The following HLTF variants were observed in gnomAD, a reference collection of about 807,000 sequenced individuals.
HLTF encodes the protein DNA-dependent ATPase/E3 ubiquitin-protein ligase HLTF.
Under a neutral mutation model 129.4 loss-of-function variants are expected in HLTF, and 127 were observed. The observed-to-expected ratio is 0.98, with a 90% CI of 0.85 to 1.14. HLTF has a LOEUF of 1.14. Among genes scored for constraint, HLTF ranks in the 50% most tolerant of loss-of-function variants. The pLI, the probability that HLTF is intolerant of heterozygous loss-of-function variation, is 0.00. For missense variants in HLTF, 1,139 were observed against 1,187.1 expected, an observed-to-expected ratio of 0.96 and a Z score of 0.60; for synonymous variants, 332 against 388.8, an observed-to-expected ratio of 0.85 and a Z score of 1.72.
chr3:149,081,842 G>A (rs1241575039), intron 2 of HLTF, among the ~76,000 whole-genome samples: 1 of 152,170 alleles, frequency 6.6e-6, no homozygotes, highest in Non-Finnish European at 1.5e-5. Flanking sequence ...GGGAGTTTAA[G>A]TATGTGTTCC....
At chr3:149,063,567 T>C in intron 9 of HLTF, 43 bp from the exon 10 acceptor site, 2 of 1,152,502 alleles carry the variant, frequency 1.7e-6, no homozygotes, top group Non-Finnish European at 2.6e-6. Flanking sequence ...TAGTAAGGTG[T>C]CTTAGAAACT....
chr3:149,059,693 C>A, intron 13 of HLTF, 25 bp downstream of exon 13: 2 of 1,405,642 alleles, frequency 1.4e-6, no homozygotes, highest in South Asian at 1.3e-5. Context: ...AAACCAAAAA[C>A]TAGAAAACAA....
chr3:149,032,530 T>A (rs1715185788), intron 24 of HLTF, among the ~76,000 whole-genome samples, 158 bp from the exon 25 acceptor site: 1 of 152,222 alleles, frequency 6.6e-6, no homozygotes, highest in Non-Finnish European at 1.5e-5. Context: ...TTTGCTTTCC[T>A]TACCCAATAT....
At chr3:149,074,093 A>G (rs537060445) in intron 4 of HLTF, 122 bp downstream of exon 4, 2 of 910,788 alleles carry the variant, frequency 2.2e-6, no homozygotes, top group Admixed American at 5.9e-5. Flanking sequence ...GACTCCTGAA[A>G]AAAAGTTGTA....
In HLTF at chr3:149,084,660, AATTATCTACT is replaced by A; in HGVS notation, c.228+12_228+21del. 6.7e-7 allele frequency: 1 copy of A among 1,494,148 alleles called. No homozygotes were observed. Among genetic ancestry groups the A allele is most frequent in the Non-Finnish European group, 9.2e-7 (1 of 1,081,172 alleles). 92.6% of individuals were successfully genotyped at this position (1,494,148 alleles called of 1,614,324 possible). On this transcript the variant is annotated intron_variant, in intron 2 of 24. Transcript: ENST00000310053. ...AACGCCAGAAATATAATCAAAATTT[AATTATCTACT>A]ATTATACTCACTACTCCCGTGTAAT...
chr3:149,071,534 ATATT>A lies in HLTF; in HGVS notation c.702+45_702+48del, dbSNP rs769076149. 12 of 1,459,370 alleles carry A rather than the reference ATATT, an allele frequency of 8.2e-6. No homozygotes were observed. The African/African-American group carries it at 1.4e-4, about 17-fold the overall frequency. 90.4% of individuals were successfully genotyped at this position (1,459,370 alleles called of 1,614,324 possible). ...ATTAAACAAAAAGTAGATTCTAAGTATATTTAAACATTCTGAGTAGTCTTAAATA... is the reference window on the plus strand; with the variant it reads ...ATTAAACAAAAAGTAGATTCTAAGTATAAACATTCTGAGTAGTCTTAAATA... On this transcript the variant is annotated intron_variant, in intron 6 of 24. Transcript: ENST00000310053.
chr3:149,042,813 A>G (rs1716240304), intron 18 of HLTF, among the ~76,000 whole-genome samples: 1 of 152,134 alleles, frequency 6.6e-6, no homozygotes, highest in South Asian at 2.1e-4. Flanking sequence ...AATAAAACCT[A>G]AAGTAACTCA....
chr3:149,047,596 C>T (rs574868094), intron 17 of HLTF, among the ~76,000 whole-genome samples: 23 of 152,098 alleles, frequency 1.5e-4, no homozygotes, highest in Non-Finnish European at 2.6e-4. Context: ...GAGCCAAGAT[C>T]GCGCCACTGC....
Position 149,048,911 on chromosome 3 carries a change from T to C in HLTF, c.1708A>G (p.Thr570Ala), listed in dbSNP as rs1335972051. ...HAIRNPNAQQ[T>A]KAVLDLESER... ...GATTCTAAGTCAAGTACAGCTTTTG[T>C]CTGCTGAGCATTTGGATTTCGTATG... Residue 570 changes from threonine (T) to alanine (A), a missense_variant, in exon 16 of 25, where the codon ACA (threonine) becomes GCA (alanine). Thr to Ala is a moderately conservative substitution (Grantham distance 58). Coordinates refer to ENST00000310053, the MANE Select transcript of HLTF (RefSeq NM_003071.4). The C allele has an allele frequency of 1.9e-5, 30 of 1,613,462 alleles. No individual in the cohort carries two copies. The highest frequency in any genetic ancestry group is 2.5e-5 in the Non-Finnish European group (30 of 1,179,578).
At chr3:149,032,491 A>C (rs879858597) in intron 24 of HLTF, 119 bp from the exon 25 acceptor site, 5 of 564,758 alleles carry the variant, frequency 8.9e-6, no homozygotes, top group Non-Finnish European at 1.5e-5. Context: ...TTTGCACCAA[A>C]CTATAATAAC....
At chr3:149,063,616 G>T in intron 9 of HLTF, 92 bp from the exon 10 acceptor site, 2 of 691,450 alleles carry the variant, frequency 2.9e-6, no homozygotes, top group South Asian at 3.6e-5. Context: ...TCTAATTACT[G>T]ATTTTCAGTT....
rs1190048286 is a variant in HLTF, at chr3:149,084,773, T to C, written c.137A>G (p.Asp46Gly). ...RFEFQDVIPP[D>G]DFLTSDEEVD... ...TTCTTCATCACTAGTTAGAAAGTCA[T>C]CTGGAGGGATAACATCTTGGAATTC... is the stretch of plus-strand genomic sequence containing the variant. The change falls in exon 2 of 25, where the codon GAT (aspartate) becomes GGT (glycine). Residue 46 changes from aspartate to glycine, a missense_variant. Physicochemically the swap from Asp to Gly is moderately conservative, Grantham distance 94 (BLOSUM62 -1). Coordinates refer to ENST00000310053, the MANE Select transcript of HLTF (RefSeq NM_003071.4). 5.0e-6 allele frequency: 8 copies of C among 1,614,024 alleles called. No individual in the cohort carries two copies. The highest frequency in any genetic ancestry group is 6.8e-6 in the Non-Finnish European group (8 of 1,179,950).
chr3:149,050,238 G>A lies in HLTF; in HGVS notation c.1611C>T (p.Asp537=). ...VLTTYNILTH[D]YGTKGDSPLH... Reference sequence around the variant, plus strand: ...AAGTATCAACAATACTTACTCCATAGTCATGAGTTAAAATATTATACGTAG... The same window carrying A: ...AAGTATCAACAATACTTACTCCATAATCATGAGTTAAAATATTATACGTAG... Residue 537 remains aspartate (D), a synonymous_variant, in exon 15 of 25, where the codon GAC becomes GAT. Transcript: ENST00000310053. The A allele has an allele frequency of 6.3e-7, 1 of 1,574,940 alleles. No individual in the cohort carries two copies. Among genetic ancestry groups the A allele is most frequent in the Non-Finnish European group, 8.7e-7 (1 of 1,150,606 alleles).
At position 149,032,121 on chromosome 3, in the gene HLTF, G is replaced by T. The variant is rs768788560; in HGVS notation, c.*99C>A. 65 of 866,442 alleles carry T rather than the reference G, an allele frequency of 7.5e-5. No homozygotes were observed. Among genetic ancestry groups the T allele is most frequent in the Non-Finnish European group, 1.0e-4 (60 of 594,312 alleles). 53.7% of individuals were successfully genotyped at this position (866,442 alleles called of 1,614,324 possible). ...ACTAATATAAAATATGCCCCTTTTA[G>T]AAGACGTGTTCTCTAGATCTCATTT... is the stretch of plus-strand genomic sequence containing the variant. On this transcript the variant is annotated 3_prime_UTR_variant, in exon 25 of 25. Coordinates refer to ENST00000310053, the MANE Select transcript of HLTF (RefSeq NM_003071.4).
intron 7 of HLTF, among the ~76,000 whole-genome samples, chr3:149,070,253 G>A (rs997240867): frequency 3.3e-5 from 5 of 152,046 alleles, no homozygotes; most frequent in Non-Finnish European, 5.9e-5. Flanking sequence ...ACATACCGTC[G>A]TAAGGACAAA....
Position 149,041,537 on chromosome 3 carries a change from G to A in HLTF, c.2329C>T (p.His777Tyr), listed in dbSNP as rs750592920. ...LTVPVITHCA[H>Y]VFCKPCICQV... The stretch of plus-strand genomic sequence containing the variant: ...CAAATACAGGGTTTACAAAATACAT[G>A]TGCACAATGTGTTATCACAGGAACT... The change falls in exon 20 of 25, where the codon CAT becomes TAT. Residue 777 changes from histidine to tyrosine, a missense_variant. Transcript: ENST00000310053. 6.8e-6 allele frequency: 11 copies of A among 1,613,168 alleles called. No individual in the cohort carries two copies. Among genetic ancestry groups the A allele is most frequent in the African/African-American group, 1.3e-5 (1 of 74,880 alleles).
chr3:149,040,498 T>C (rs1716036705), intron 20 of HLTF, among the ~76,000 whole-genome samples: 1 of 151,840 alleles, frequency 6.6e-6, no homozygotes, highest in African/African-American at 2.4e-5. Flanking sequence ...CACTATTTAG[T>C]ACTATTCTTT....
intron 5 of HLTF, among the ~76,000 whole-genome samples, 199 bp from the exon 6 acceptor site, chr3:149,071,856 G>A (rs760209244): frequency 4.6e-5 from 7 of 152,070 alleles, no homozygotes; most frequent in Non-Finnish European, 1.0e-4. Context: ...AGACCAGCCT[G>A]GATAACATAG....
intron 20 of HLTF, 64 bp downstream of exon 20, chr3:149,041,421 CTTTTA>C: frequency 1.0e-6 from 1 of 1,004,492 alleles, no homozygotes; most frequent in Non-Finnish European, 1.4e-6. Flanking sequence ...CATATACTAT[CTTTTA>C]TTATATTAAA....
Sources: allele counts gnomAD v4.1 joint callset (sites outside exome capture counted in the v4.1 genomes callset), GRCh38; gene constraint gnomAD v4.1.1; transcripts MANE v1.5; gene names NCBI Gene and HGNC (gene_info 2026-07-23, HGNC 2026-07-21).